The following LRRC7 variants were observed in gnomAD, a reference collection of about 807,000 sequenced individuals.
LRRC7 encodes leucine-rich repeat-containing protein 7.
Under a neutral mutation model 175.7 loss-of-function variants are expected in LRRC7, and 23 were observed. The observed-to-expected ratio is 0.13, with a 90% CI of 0.09 to 0.19. The LOEUF (loss-of-function observed/expected upper bound fraction) is 0.19. Among genes scored for constraint, LRRC7 ranks in the 10% least tolerant of loss-of-function variants. The pLI, the probability that LRRC7 is intolerant of heterozygous loss-of-function variation, is 1.00. For synonymous variants in LRRC7, 685 were observed against 680.9 expected (o/e 1.01, Z -0.09); for missense variants, 1,354 against 1,904.7 (o/e 0.71, Z 5.38).
chr1:69,648,770 C>A (rs2100469936), intron 1 of LRRC7, among the ~76,000 whole-genome samples: 1 of 152,324 alleles, frequency 6.6e-6, no homozygotes, highest in Non-Finnish European at 1.5e-5. Flanking sequence ...CCTGTGTAAC[C>A]AATTTCCTTG....
intron 11 of LRRC7, among the ~76,000 whole-genome samples, chr1:69,995,478 G>A (rs2101914239): frequency 6.6e-6 from 1 of 151,622 alleles, no homozygotes; most frequent in African/African-American, 2.4e-5. Flanking sequence ...ATGTATACAT[G>A]TGCCATGCTG....
chr1:69,846,497 T>C (rs977374042), intron 7 of LRRC7, among the ~76,000 whole-genome samples: 2 of 152,060 alleles, frequency 1.3e-5, no homozygotes, highest in East Asian at 1.9e-4. Context: ...TCAGCTTCAG[T>C]TTTATAAGAT....
At chr1:69,603,115 TC>T (rs1415274705) in intron 1 of LRRC7, among the ~76,000 whole-genome samples, 1 of 149,446 alleles carries the variant, frequency 6.7e-6, no homozygotes, top group Non-Finnish European at 1.5e-5. Context: ...ACATGGCTTT[TC>T]CCCTTTATGT....
intron 2 of LRRC7, among the ~76,000 whole-genome samples, chr1:69,728,630 A>G (rs186413995): frequency 4.6e-5 from 7 of 152,342 alleles, no homozygotes; most frequent in African/African-American, 1.7e-4. Flanking sequence ...AAATGTGAAA[A>G]TTAATTACAT....
intron 26 of LRRC7, among the ~76,000 whole-genome samples, chr1:70,118,600 T>C (rs116277797): frequency 4.1e-4 from 62 of 152,286 alleles, no homozygotes; most frequent in African/African-American, 1.5e-3. Flanking sequence ...TGTGGTCTTA[T>C]TATTTCAATG....
At chr1:69,838,141 C>T in intron 6 of LRRC7, 86 bp from the exon 7 acceptor site, 1 of 832,968 alleles carries the variant, frequency 1.2e-6, no homozygotes, top group Non-Finnish European at 2.0e-6. Flanking sequence ...CATAGTAACC[C>T]TATAGTGCTA....
chr1:69,958,025 C>A (rs908052364), intron 8 of LRRC7, among the ~76,000 whole-genome samples: 1 of 151,820 alleles, frequency 6.6e-6, no homozygotes, highest in Non-Finnish European at 1.5e-5. Flanking sequence ...AACAGATATA[C>A]TGTAGAAACT....
chr1:69,582,992 T>C (rs1043612967), intron 1 of LRRC7, among the ~76,000 whole-genome samples: 8 of 152,148 alleles, frequency 5.3e-5, no homozygotes, highest in Non-Finnish European at 1.2e-4. Flanking sequence ...AAAATTTAGA[T>C]ATTAATCTAA....
chr1:69,922,146 G>A (rs987321317), intron 7 of LRRC7, among the ~76,000 whole-genome samples: 1 of 152,026 alleles, frequency 6.6e-6, no homozygotes, highest in Admixed American at 6.6e-5. Flanking sequence ...GGCTGGTCTC[G>A]AACTCCTGAC....
At chr1:69,886,580 G>A (rs1645627149) in intron 7 of LRRC7, among the ~76,000 whole-genome samples, 1 of 150,706 alleles carries the variant, frequency 6.6e-6, no homozygotes, top group Non-Finnish European at 1.5e-5. Context: ...CAATTTGCCA[G>A]TCTGTGTCTT....
At chr1:69,772,205 T>A (rs1643075297) in intron 3 of LRRC7, among the ~76,000 whole-genome samples, 2 of 152,044 alleles carry the variant, frequency 1.3e-5, no homozygotes, top group South Asian at 4.1e-4. Flanking sequence ...AGGTGGAAAG[T>A]GCAGTAAATG....
intron 4 of LRRC7, among the ~76,000 whole-genome samples, 200 bp from the exon 5 acceptor site, chr1:69,825,548 A>G (rs1325983039): frequency 6.6e-6 from 1 of 151,908 alleles, no homozygotes; most frequent in Non-Finnish European, 1.5e-5. Context: ...TTAACATTCA[A>G]CCTTTATTAA....
intron 2 of LRRC7, among the ~76,000 whole-genome samples, chr1:69,717,802 GA>G (rs1184139481): frequency 9.7e-5 from 2 of 20,652 alleles, no homozygotes; most frequent in Non-Finnish European, 1.7e-4. Flanking sequence ...AAGAAAGAAA[GA>G]AAGAAAGAAA....
At chr1:69,818,937 T>A (rs1447544363) in intron 4 of LRRC7, among the ~76,000 whole-genome samples, 1 of 152,126 alleles carries the variant, frequency 6.6e-6, no homozygotes, top group Admixed American at 6.6e-5. Flanking sequence ...ACAGTTGTAG[T>A]GTCTTCTCAT....
intron 1 of LRRC7, among the ~76,000 whole-genome samples, chr1:69,623,820 G>C (rs1651048357): frequency 6.6e-6 from 1 of 152,144 alleles, no homozygotes; most frequent in South Asian, 2.1e-4. Flanking sequence ...AAAGTGCTGA[G>C]ATTACAGGCG....
intron 2 of LRRC7, 48 bp from the exon 3 acceptor site, chr1:69,760,143 G>C (rs781224700): frequency 2.3e-5 from 36 of 1,584,372 alleles, no homozygotes; most frequent in Non-Finnish European, 6.0e-6. Context: ...GCCTTCCAAG[G>C]GCACTGGATA....
intron 2 of LRRC7, among the ~76,000 whole-genome samples, chr1:69,729,701 C>G (rs1157864869): frequency 6.6e-6 from 1 of 152,156 alleles, no homozygotes; most frequent in Non-Finnish European, 1.5e-5. Context: ...GTGGCTTTTC[C>G]AGGCACATGG....
chr1:69,955,353 G>A (rs1027614872), intron 8 of LRRC7, among the ~76,000 whole-genome samples: 4 of 152,076 alleles, frequency 2.6e-5, no homozygotes, highest in African/African-American at 9.6e-5. Flanking sequence ...ACTTCCTGAA[G>A]AAATGATATT....
intron 2 of LRRC7, among the ~76,000 whole-genome samples, chr1:69,701,699 A>C (rs1420457706): frequency 6.6e-6 from 1 of 152,204 alleles, no homozygotes; most frequent in Admixed American, 6.5e-5. Context: ...GTTCCTACGA[A>C]ATAAAAGTCC....
Sources: gnomAD v4.1 joint callset for allele counts (sites outside exome capture counted in the v4.1 genomes callset) on GRCh38, gnomAD v4.1.1 for gene constraint, MANE v1.5 for transcripts, NCBI Gene and HGNC (gene_info 2026-07-23, HGNC 2026-07-21) for gene names.